The following ENPP2 variants were observed in gnomAD, a reference collection of about 807,000 sequenced individuals.
The protein encoded by ENPP2 is autotaxin.
A neutral mutation model predicts 120.2 loss-of-function variants in ENPP2; 51 were observed. The ratio of observed to expected loss-of-function variants is 0.42; its 90% CI spans 0.34 to 0.54. ENPP2 has a LOEUF of 0.54. Among genes scored for constraint, ENPP2 ranks in the 20% least tolerant of loss-of-function variants. ENPP2 has a pLI of 0.04. For missense variants in ENPP2, 920 were observed against 1,066.5 expected (o/e 0.86, Z 1.91); for synonymous variants, 365 against 366.4 (o/e 1.00, Z 0.04).
intron 24 of ENPP2, among the ~76,000 whole-genome samples, chr8:119,561,023 T>C (rs1813884027): frequency 6.6e-6 from 1 of 152,212 alleles, no homozygotes; most frequent in South Asian, 2.1e-4. Flanking sequence ...TGCTATGATA[T>C]CTACTATAGC....
At chr8:119,565,053 A>G in intron 22 of ENPP2, 98 bp from the exon 23 acceptor site, 1 of 979,822 alleles carries the variant, frequency 1.0e-6, no homozygotes, top group Non-Finnish European at 1.5e-6. Context: ...GCCAAATCTC[A>G]CAAGCCAAGA....
chr8:119,609,735 C>T (rs1281588473), intron 8 of ENPP2, among the ~76,000 whole-genome samples: 1 of 152,164 alleles, frequency 6.6e-6, no homozygotes, highest in South Asian at 2.1e-4. Flanking sequence ...ATTGCTTATA[C>T]ACAATCTTAG....
intron 19 of ENPP2, among the ~76,000 whole-genome samples, chr8:119,573,744 G>A (rs1269965370): frequency 1.3e-5 from 2 of 152,186 alleles, no homozygotes; most frequent in Non-Finnish European, 2.9e-5. Context: ...GGGAGGCAGA[G>A]GATGCAGTGA....
At chr8:119,624,557 A>G (rs900167970) in intron 3 of ENPP2, among the ~76,000 whole-genome samples, 10 of 152,222 alleles carry the variant, frequency 6.6e-5, no homozygotes, top group Non-Finnish European at 1.5e-4. Flanking sequence ...AGGCAAAAGT[A>G]TGAATATGCA....
intron 12 of ENPP2, among the ~76,000 whole-genome samples, chr8:119,591,002 A>AAAAAC (rs1554612824): frequency 2.5e-4 from 37 of 150,842 alleles, no homozygotes; most frequent in African/African-American, 8.6e-4. Context: ...CTTTAAAAAA[A>AAAAAC]AAAAAAAAAA....
At chr8:119,632,931 T>TG (rs1816772191) in intron 2 of ENPP2, among the ~76,000 whole-genome samples, 1 of 152,072 alleles carries the variant, frequency 6.6e-6, no homozygotes, top group Admixed American at 6.6e-5. Context: ...TAGCCAGGCA[T>TG]GGGGGTGCAC....
intron 15 of ENPP2, among the ~76,000 whole-genome samples, chr8:119,585,984 G>A (rs1045175436): frequency 1.3e-5 from 2 of 151,760 alleles, no homozygotes; most frequent in African/African-American, 4.8e-5. Flanking sequence ...AGACTGCAAA[G>A]AGACACCACA....
At chr8:119,599,013 T>G (rs1276343197) in intron 11 of ENPP2, among the ~76,000 whole-genome samples, 1 of 152,222 alleles carries the variant, frequency 6.6e-6, no homozygotes, top group African/African-American at 2.4e-5. Context: ...GTGTTTTGTT[T>G]TGTTTTGTGA....
chr8:119,569,736 A>G (rs1391388897), intron 20 of ENPP2, among the ~76,000 whole-genome samples: 3 of 79,198 alleles, frequency 3.8e-5, no homozygotes, highest in Non-Finnish European at 7.9e-5. Flanking sequence ...TAAATAGACT[A>G]TTTATCTGTG....
At position 119,557,413 on chromosome 8, in the gene ENPP2, G is replaced by T. The variant is rs1587298658; in HGVS notation, c.*108C>A. On this transcript the variant is annotated 3_prime_UTR_variant, in exon 25 of 25. Transcript: ENST00000075322. ...GCATAATATGTCAGATTTGGTACAGGATTAAAATACTAACATTTTTAATGT... is the reference window on the plus strand; with the variant it reads ...GCATAATATGTCAGATTTGGTACAGTATTAAAATACTAACATTTTTAATGT... The T allele has an allele frequency of 1.1e-6, 1 of 907,376 alleles. No individual in the cohort carries two copies. The highest frequency in any genetic ancestry group is 1.7e-6 in the Non-Finnish European group (1 of 604,008). 56.2% of individuals were successfully genotyped at this position (907,376 alleles called of 1,614,324 possible).
At chr8:119,645,552 C>T (rs142875615) in intron 1 of ENPP2, among the ~76,000 whole-genome samples, 238 of 152,240 alleles carry the variant, frequency 1.6e-3, no homozygotes, top group Non-Finnish European at 2.6e-3. Flanking sequence ...TAGCCGGGCA[C>T]GGTGGCTCAC....
At chr8:119,651,708 C>T (rs1488577226) in intron 1 of ENPP2, among the ~76,000 whole-genome samples, 2 of 152,158 alleles carry the variant, frequency 1.3e-5, no homozygotes, top group East Asian at 3.9e-4. Context: ...AGCTGACCTT[C>T]TTGTGACCCC....
At chr8:119,613,912 A>G (rs1433588008) in intron 8 of ENPP2, among the ~76,000 whole-genome samples, 1 of 152,108 alleles carries the variant, frequency 6.6e-6, no homozygotes, top group East Asian at 1.9e-4. Flanking sequence ...TAAATACACT[A>G]CATTGTTATT....
At chr8:119,627,268 AT>A (rs1816345066) in intron 2 of ENPP2, among the ~76,000 whole-genome samples, 1 of 152,220 alleles carries the variant, frequency 6.6e-6, no homozygotes, top group South Asian at 2.1e-4. Flanking sequence ...TGTTTTACAA[AT>A]ACAAGCTCTA....
chr8:119,606,345 T>A (rs1371459633), intron 9 of ENPP2, among the ~76,000 whole-genome samples: 1 of 152,146 alleles, frequency 6.6e-6, no homozygotes, highest in African/African-American at 2.4e-5. Flanking sequence ...ACCAGAACAC[T>A]GGGCCTTTTC....
intron 2 of ENPP2, among the ~76,000 whole-genome samples, chr8:119,628,749 A>G (rs1816453175): frequency 6.6e-6 from 1 of 152,234 alleles, no homozygotes; most frequent in South Asian, 2.1e-4. Flanking sequence ...GATAGAAATA[A>G]AAACAGAGCC....
intron 1 of ENPP2, among the ~76,000 whole-genome samples, chr8:119,658,728 C>A (rs1372087041): frequency 1.3e-5 from 2 of 152,144 alleles, no homozygotes; most frequent in African/African-American, 2.4e-5. Context: ...GCACCCCAGG[C>A]CACAGGACTA....
chr8:119,600,789 C>T (rs1407412609), intron 10 of ENPP2, 39 bp from the exon 11 acceptor site: 1 of 1,117,104 alleles, frequency 9.0e-7, no homozygotes, highest in Non-Finnish European at 1.3e-6. Flanking sequence ...TCTCCTAAAC[C>T]ACATGTAACA....
intron 2 of ENPP2, among the ~76,000 whole-genome samples, chr8:119,634,790 A>C (rs946655102): frequency 4.6e-5 from 7 of 152,228 alleles, no homozygotes; most frequent in Non-Finnish European, 1.0e-4. Context: ...TGATTCAAAA[A>C]TCTAGGCTGA....
Sources: gnomAD v4.1 joint callset for allele counts (sites outside exome capture counted in the v4.1 genomes callset) on GRCh38, gnomAD v4.1.1 for gene constraint, MANE v1.5 for transcripts, NCBI Gene and HGNC (gene_info 2026-07-23, HGNC 2026-07-21) for gene names.